KPNA6: variants seen among roughly 807,000 people sequenced by gnomAD.
KPNA6 encodes importin subunit alpha-7.
Under a neutral mutation model 72.0 loss-of-function variants are expected in KPNA6, and 9 were observed. That is an observed-to-expected ratio of 0.13 (90% CI 0.08 to 0.22). The LOEUF (loss-of-function observed/expected upper bound fraction) is 0.22. Among genes scored for constraint, KPNA6 ranks in the 10% least tolerant of loss-of-function variants. The pLI is 1.00. For synonymous variants in KPNA6, 219 were observed against 242.1 expected, an observed-to-expected ratio of 0.90 and a Z score of 0.89; for missense variants, 374 against 655.7, an observed-to-expected ratio of 0.57 and a Z score of 4.69.
At chr1:32,159,555 T>G in intron 6 of KPNA6, 24 bp downstream of exon 6, 3 of 1,610,170 alleles carry the variant, frequency 1.9e-6, no homozygotes, top group Middle Eastern at 1.7e-4. Flanking sequence ...TTGGTGTGAT[T>G]CTTTATAGTA....
intron 1 of KPNA6, among the ~76,000 whole-genome samples, chr1:32,135,242 T>C (rs1641713027): frequency 6.6e-6 from 1 of 152,130 alleles, no homozygotes; most frequent in Admixed American, 6.5e-5. Flanking sequence ...TAATTTTGTA[T>C]TTTTAGTAGA....
At chr1:32,166,437 C>A (rs1204302356) in intron 11 of KPNA6, among the ~76,000 whole-genome samples, 1 of 142,356 alleles carries the variant, frequency 7.0e-6, no homozygotes, top group Non-Finnish European at 1.5e-5. Flanking sequence ...CCATCCTGGC[C>A]AACATGGTGA....
At chr1:32,167,034 C>T (rs1642352646) in intron 11 of KPNA6, 135 bp from the exon 12 acceptor site, 2 of 1,101,058 alleles carry the variant, frequency 1.8e-6, no homozygotes, top group Admixed American at 4.5e-5. Context: ...TAGCCTGTCA[C>T]CTATATAGGA....
chr1:32,172,215 T>G lies in KPNA6; in HGVS notation c.*1321T>G, dbSNP rs1224115466. On this transcript the variant is annotated 3_prime_UTR_variant, in exon 14 of 14. Coordinates refer to ENST00000373625, the MANE Select transcript of KPNA6 (RefSeq NM_012316.5). ...TGAGCTTGGTCCTTTTCCTCTCTGC[T>G]TGGATTCTGGACCACCACCTGGGAC... 6.6e-6 allele frequency: 1 copy of G among 152,112 alleles called. No individual in the cohort carries two copies. The highest frequency in any genetic ancestry group is 1.5e-5 in the Non-Finnish European group (1 of 68,028). The allele number at this position is 152,112 out of a possible 1,614,324, so 9.4% of individuals were successfully genotyped here. A position where few individuals can be genotyped will look rare whatever the true frequency, so the allele number is the denominator to read the frequency against.
At position 32,172,538 on chromosome 1, in the gene KPNA6, T is replaced by C. The variant is rs1642457036; in HGVS notation, c.*1644T>C. On this transcript the variant is annotated 3_prime_UTR_variant, in exon 14 of 14. Coordinates refer to ENST00000373625, the MANE Select transcript of KPNA6 (RefSeq NM_012316.5). ...TTAGAGCTATTGCGTATCTTCCCTG[T>C]TTGGGATCCTTGTACCTGGTTTGGG... 1 of 151,580 alleles carries C rather than the reference T, an allele frequency of 6.6e-6. No individual in the cohort carries two copies. Among genetic ancestry groups the C allele is most frequent in the Non-Finnish European group, 1.5e-5 (1 of 67,982 alleles). The allele number at this position is 151,580 out of a possible 1,614,324, so 9.4% of individuals were successfully genotyped here. A position where few individuals can be genotyped will look rare whatever the true frequency, so the allele number is the denominator to read the frequency against.
intron 1 of KPNA6, among the ~76,000 whole-genome samples, chr1:32,139,838 C>T (rs1405389821): frequency 6.6e-6 from 1 of 152,128 alleles, no homozygotes; most frequent in Non-Finnish European, 1.5e-5. Context: ...ATATGAATGG[C>T]TGCTAGTTGA....
intron 1 of KPNA6, among the ~76,000 whole-genome samples, chr1:32,123,445 G>A (rs1034637551): frequency 1.3e-5 from 2 of 152,046 alleles, no homozygotes; most frequent in South Asian, 2.1e-4. Context: ...GCATGGTTAA[G>A]AAAGACTAAA....
intron 12 of KPNA6, among the ~76,000 whole-genome samples, chr1:32,167,624 T>C (rs747767649): frequency 3.3e-5 from 5 of 152,120 alleles, no homozygotes; most frequent in African/African-American, 4.8e-5. Context: ...TAGTTCTCAA[T>C]TCAAATGAAG....
chr1:32,121,340 C>T (rs373222976), intron 1 of KPNA6, among the ~76,000 whole-genome samples: 2 of 152,166 alleles, frequency 1.3e-5, no homozygotes, highest in East Asian at 3.8e-4. Context: ...AGCATGACTC[C>T]TATGCCTGTT....
intron 3 of KPNA6, 150 bp from the exon 4 acceptor site, chr1:32,157,196 C>T: frequency 1.6e-6 from 1 of 636,090 alleles, no homozygotes; most frequent in South Asian, 2.0e-5. Flanking sequence ...ACTTGAAGCA[C>T]CTATAGATTA....
In KPNA6 at chr1:32,157,476, T is replaced by A. The variant is rs762481293; in HGVS notation, c.331+31T>A. On this transcript the variant is annotated intron_variant, in intron 4 of 13. Coordinates refer to ENST00000373625, the MANE Select transcript of KPNA6 (RefSeq NM_012316.5). ...AAGCCTGGCCCTTGTCAGAGAGGCCTTATATGATTTAGCCTCTTTTCTCTT... is the reference window on the plus strand; with the variant it reads ...AAGCCTGGCCCTTGTCAGAGAGGCCATATATGATTTAGCCTCTTTTCTCTT... 19 of 1,473,866 alleles carry A rather than the reference T, an allele frequency of 1.3e-5. No homozygotes were observed. In the Admixed American group the frequency reaches 2.9e-4, roughly 22 times the overall value. 91.3% of individuals were successfully genotyped at this position (1,473,866 alleles called of 1,614,324 possible).
chr1:32,131,383 T>C (rs902919176), intron 1 of KPNA6, among the ~76,000 whole-genome samples: 2 of 152,170 alleles, frequency 1.3e-5, no homozygotes, highest in South Asian at 2.1e-4. Context: ...GCATGGTGGC[T>C]CATGCCTGTA....
At chr1:32,117,209 G>A (rs549137354) in intron 1 of KPNA6, among the ~76,000 whole-genome samples, 1 of 149,090 alleles carries the variant, frequency 6.7e-6, no homozygotes, top group East Asian at 2.0e-4. Flanking sequence ...GTTTCACTCT[G>A]TCACCCAGGC....
intron 1 of KPNA6, among the ~76,000 whole-genome samples, chr1:32,120,458 G>C (rs888051292): frequency 6.6e-6 from 1 of 151,348 alleles, no homozygotes; most frequent in Non-Finnish European, 1.5e-5. Flanking sequence ...ATGTTGGCCA[G>C]GCTGGTCTCG....
At chr1:32,155,558 TGATCTGCCCA>T (rs1198544314) in intron 2 of KPNA6, among the ~76,000 whole-genome samples, 1 of 151,932 alleles carries the variant, frequency 6.6e-6, no homozygotes, top group Non-Finnish European at 1.5e-5. Context: ...CCTGACCTTG[TGATCTGCCCA>T]GATCTGCCCG....
At chr1:32,165,109 G>A (rs943139916) in intron 10 of KPNA6, among the ~76,000 whole-genome samples, 4 of 151,912 alleles carry the variant, frequency 2.6e-5, no homozygotes, top group Admixed American at 6.6e-5. Context: ...GTTTTACCAT[G>A]TTGCCCAGGC....
At chr1:32,137,803 T>TC (rs1570025459) in intron 1 of KPNA6, among the ~76,000 whole-genome samples, 2 of 152,150 alleles carry the variant, frequency 1.3e-5, no homozygotes, top group South Asian at 2.1e-4. Context: ...CATGGGTGAC[T>TC]CCAAGACCAG....
intron 1 of KPNA6, among the ~76,000 whole-genome samples, chr1:32,113,571 G>T (rs187449655): frequency 4.6e-5 from 7 of 152,044 alleles, no homozygotes; most frequent in Admixed American, 3.9e-4. Flanking sequence ...TCCTACTTCA[G>T]CCTCCCGAGT....
intron 1 of KPNA6, among the ~76,000 whole-genome samples, chr1:32,119,009 TA>T (rs1557457018): frequency 4.5e-5 from 3 of 66,734 alleles, no homozygotes; most frequent in South Asian, 6.1e-4. Flanking sequence ...TATATATATA[TA>T]TATATATATA....
Sources: allele counts gnomAD v4.1 joint callset (sites outside exome capture counted in the v4.1 genomes callset), GRCh38; gene constraint gnomAD v4.1.1; transcripts MANE v1.5; gene names NCBI Gene and HGNC (gene_info 2026-07-23, HGNC 2026-07-21).